The following RGS7 variants were observed in gnomAD, a reference collection of about 807,000 sequenced individuals.
The protein encoded by RGS7 is regulator of G protein signaling 7, also known as regulator of G-protein signaling 7.
A neutral mutation model predicts 81.1 loss-of-function variants in RGS7; 27 were observed. The observed-to-expected ratio is 0.33, with a 90% confidence interval of 0.25 to 0.46. The LOEUF (loss-of-function observed/expected upper bound fraction) is 0.46. RGS7 is among the 20% of genes least tolerant of loss of function. The pLI, the probability that RGS7 is intolerant of heterozygous loss-of-function variation, is 1.00. For synonymous variants in RGS7, 208 were observed against 207.7 expected, an observed-to-expected ratio of 1.00 and a Z score of -0.01; for missense variants, 396 against 607.4, an observed-to-expected ratio of 0.65 and a Z score of 3.66.
At chr1:240,779,199 C>T (rs912645430) in intron 18 of RGS7, among the ~76,000 whole-genome samples, 2 of 151,826 alleles carry the variant, frequency 1.3e-5, no homozygotes, top group Non-Finnish European at 2.9e-5. Flanking sequence ...ACTGCAACCT[C>T]CGCCTCCAAA....
In RGS7 at chr1:241,039,790, T is replaced by C. The variant is rs1402406887; in HGVS notation, c.176-56661A>G. Among the ~76,000 whole-genome samples, 3 of 152,044 alleles carry C rather than the reference T, an allele frequency of 2.0e-5. No individual in the cohort carries two copies. In the South Asian group the frequency reaches 6.3e-4, roughly 32 times the overall value. On this transcript the variant is annotated intron_variant, in intron 3 of 18. Coordinates refer to ENST00000440928, the MANE Select transcript of RGS7 (RefSeq NM_001364886.1). ...GACCTTGAAGGCTAGCTGGTGACGATGGCAGAGCCATAACATGGAAGGATG... is the reference window on the plus strand; with the variant it reads ...GACCTTGAAGGCTAGCTGGTGACGACGGCAGAGCCATAACATGGAAGGATG...
intron 2 of RGS7, among the ~76,000 whole-genome samples, chr1:241,199,707 G>A (rs2073357754): frequency 6.7e-6 from 1 of 149,786 alleles, no homozygotes. Flanking sequence ...AAAGAGAAAG[G>A]ATGATGGGAA....
intron 2 of RGS7, among the ~76,000 whole-genome samples, chr1:241,324,704 C>T (rs996798699): frequency 2.0e-5 from 3 of 152,334 alleles, no homozygotes; most frequent in Non-Finnish European, 2.9e-5. Context: ...TCCCTACCAG[C>T]TTTTCATGGT....
At chr1:240,784,140 T>C (rs1241665045) in intron 18 of RGS7, among the ~76,000 whole-genome samples, 1 of 151,578 alleles carries the variant, frequency 6.6e-6, no homozygotes, top group African/African-American at 2.4e-5. Flanking sequence ...TGAGCCAAGA[T>C]TGTGCCATTG....
At chr1:240,804,945 C>A (rs16840678) in intron 15 of RGS7, among the ~76,000 whole-genome samples, 6,529 of 152,240 alleles carry the variant, frequency 0.043, 147 homozygotes, top group East Asian at 0.11. Flanking sequence ...ATTCGTGTAT[C>A]TCATTCTTCA....
chr1:241,255,078 G>A (rs1362395938), intron 2 of RGS7, among the ~76,000 whole-genome samples: 3 of 152,154 alleles, frequency 2.0e-5, no homozygotes, highest in South Asian at 2.1e-4. Context: ...GCTTGCTAAA[G>A]TTCATACTAT....
At chr1:240,924,030 T>G (rs529794908) in intron 6 of RGS7, among the ~76,000 whole-genome samples, 1 of 152,192 alleles carries the variant, frequency 6.6e-6, no homozygotes, top group African/African-American at 2.4e-5. Context: ...GTATTTGATC[T>G]CTTTAGTTGG....
intron 2 of RGS7, among the ~76,000 whole-genome samples, chr1:241,205,820 A>G (rs1321752275): frequency 1.3e-5 from 2 of 152,224 alleles, no homozygotes; most frequent in East Asian, 3.9e-4. Flanking sequence ...TATGAATAAT[A>G]CTAATAAGGT....
chr1:241,319,911 T>A lies in RGS7; in HGVS notation c.78+35788A>T, dbSNP rs371061516. 5.1e-3 allele frequency among the ~76,000 whole-genome samples: 776 copies of A among 152,112 alleles called. 4 individuals are homozygous for A. The highest frequency in any genetic ancestry group is 0.01 in the Middle Eastern group (3 of 294). Reference sequence around the variant, plus strand: ...TTCGAGACCAGCCTGACCAACATGATGAAACCCCGTCTCTACTAAAAATGC... The same window carrying A: ...TTCGAGACCAGCCTGACCAACATGAAGAAACCCCGTCTCTACTAAAAATGC... On this transcript the variant is annotated intron_variant, in intron 2 of 18. Coordinates refer to ENST00000440928, the MANE Select transcript of RGS7 (RefSeq NM_001364886.1).
chr1:240,851,680 T>C (rs1660125761), intron 9 of RGS7, among the ~76,000 whole-genome samples: 1 of 152,214 alleles, frequency 6.6e-6, no homozygotes, highest in Non-Finnish European at 1.5e-5. Flanking sequence ...TAGGAACATT[T>C]ATGATTCATG....
At chr1:241,246,618 T>C (rs150702574) in intron 2 of RGS7, among the ~76,000 whole-genome samples, 3,715 of 152,226 alleles carry the variant, frequency 0.024, 78 homozygotes, top group Non-Finnish European at 0.033. Context: ...GAGTACTATC[T>C]ACCTGTGAGT....
At chr1:241,083,236 A>AAAG (rs2063243897) in intron 3 of RGS7, among the ~76,000 whole-genome samples, 1 of 148,888 alleles carries the variant, frequency 6.7e-6, no homozygotes, top group African/African-American at 2.5e-5. Context: ...AAAAAAAAAA[A>AAAG]AAAAAGAAAA....
intron 3 of RGS7, among the ~76,000 whole-genome samples, chr1:241,042,177 T>C (rs780534961): frequency 2.0e-5 from 3 of 152,190 alleles, no homozygotes; most frequent in African/African-American, 7.2e-5. Flanking sequence ...GCTGTACATA[T>C]GTATCATCTC....
At chr1:240,833,718 T>A (rs1694224290) in intron 9 of RGS7, among the ~76,000 whole-genome samples, 1 of 152,176 alleles carries the variant, frequency 6.6e-6, no homozygotes, top group Admixed American at 6.5e-5. Context: ...GTAAGAATGA[T>A]CCCTTATTCT....
chr1:241,118,688 A>G (rs1572765689), intron 2 of RGS7, among the ~76,000 whole-genome samples: 1 of 152,194 alleles, frequency 6.6e-6, no homozygotes, highest in African/African-American at 2.4e-5. Flanking sequence ...TGGTATATAA[A>G]CACCATGGAA....
At chr1:240,933,431 G>A (rs1004888290) in intron 5 of RGS7, among the ~76,000 whole-genome samples, 3 of 151,816 alleles carry the variant, frequency 2.0e-5, no homozygotes, top group Admixed American at 6.6e-5. Flanking sequence ...TTTAATGACT[G>A]TAAAATTAAA....
At chr1:241,029,409 G>C (rs1168309863) in intron 3 of RGS7, among the ~76,000 whole-genome samples, 1 of 152,118 alleles carries the variant, frequency 6.6e-6, no homozygotes, top group Non-Finnish European at 1.5e-5. Flanking sequence ...ATCTGACGTG[G>C]GGTTTGGAAT....
At chr1:240,979,818 G>A (rs908872603) in intron 4 of RGS7, among the ~76,000 whole-genome samples, 4 of 152,192 alleles carry the variant, frequency 2.6e-5, no homozygotes, top group African/African-American at 9.7e-5. Context: ...GGATGGAAGA[G>A]TATGAGTGTG....
intron 2 of RGS7, among the ~76,000 whole-genome samples, chr1:241,255,083 T>C (rs1055189549): frequency 5.9e-5 from 9 of 152,208 alleles, no homozygotes; most frequent in Admixed American, 5.2e-4. Context: ...CTAAAGTTCA[T>C]ACTATTCTTT....
Sources: gnomAD v4.1 joint callset for allele counts (sites outside exome capture counted in the v4.1 genomes callset) on GRCh38, gnomAD v4.1.1 for gene constraint, MANE v1.5 for transcripts, NCBI Gene and HGNC (gene_info 2026-07-23, HGNC 2026-07-21) for gene names.